RAB2A: variants seen among roughly 807,000 people sequenced by gnomAD.
RAB2A encodes RAB2A, member RAS oncogene family, also known as ras-related protein Rab-2A.
In RAB2A, 7 loss-of-function variants were observed where a neutral mutation model predicts 32.5. That is an observed-to-expected ratio of 0.22 (90% CI 0.12 to 0.40). The LOEUF (loss-of-function observed/expected upper bound fraction) is 0.40. RAB2A is among the 10% of genes least tolerant of loss of function. The pLI is 1.00. For missense variants in RAB2A, 108 were observed against 260.7 expected (o/e 0.41, Z 4.03); for synonymous variants, 79 against 85.2 (o/e 0.93, Z 0.40).
Position 60,524,770 on chromosome 8 carries a change from G to C in RAB2A, c.46+7517G>C, listed in dbSNP as rs567756702. ...AAAAGTATTGTTTGTATTGATGGTA[G>C]TACTGTAACATTCCACTGCTGGTAA... is the stretch of plus-strand genomic sequence containing the variant. On this transcript the variant is annotated intron_variant, in intron 1 of 7. Coordinates refer to ENST00000262646, the MANE Select transcript of RAB2A (RefSeq NM_002865.3). Among the ~76,000 whole-genome samples, 3 of 152,322 alleles carry C rather than the reference G, an allele frequency of 2.0e-5. No homozygotes were observed. In the East Asian group the frequency reaches 5.8e-4, roughly 29 times the overall value.
intron 1 of RAB2A, among the ~76,000 whole-genome samples, chr8:60,534,708 A>G (rs960669745): frequency 3.3e-5 from 5 of 152,174 alleles, no homozygotes; most frequent in African/African-American, 9.7e-5. Flanking sequence ...TTTCATCAGA[A>G]CTGGGGGAAA....
At chr8:60,545,540 C>T (rs1183637242) in intron 1 of RAB2A, among the ~76,000 whole-genome samples, 1 of 152,078 alleles carries the variant, frequency 6.6e-6, no homozygotes, top group African/African-American at 2.4e-5. Flanking sequence ...CTTGGCTTCC[C>T]GAAGCACTGG....
At chr8:60,549,572 G>A (rs556816669) in intron 1 of RAB2A, among the ~76,000 whole-genome samples, 1 of 151,778 alleles carries the variant, frequency 6.6e-6, no homozygotes, top group South Asian at 2.1e-4. Context: ...GGCAAAGGAC[G>A]GCATCTGTAA....
rs1804165527 is a variant in RAB2A at position 60,603,172 on chromosome 8, G to A, written c.474+11203G>A. ...CACCTATGTGTAGAGAAATTTTAAT[G>A]CACAGGGAACCCTCTTAAAAGATTT... is the stretch of plus-strand genomic sequence containing the variant. On this transcript the variant is annotated intron_variant, in intron 6 of 7. Transcript: ENST00000262646. Among the ~76,000 whole-genome samples, 4 of 152,144 alleles carry A rather than the reference G, an allele frequency of 2.6e-5. No individual in the cohort carries two copies. In the South Asian group the frequency reaches 8.3e-4, roughly 32 times the overall value.
At chr8:60,551,504 T>G (rs1393682542) in intron 1 of RAB2A, among the ~76,000 whole-genome samples, 1 of 152,248 alleles carries the variant, frequency 6.6e-6, no homozygotes, top group Non-Finnish European at 1.5e-5. Context: ...TTATTTAATG[T>G]TCTCAAGTAT....
At chr8:60,575,926 ATTATAG>A (rs1803610051) in intron 3 of RAB2A, among the ~76,000 whole-genome samples, 1 of 152,102 alleles carries the variant, frequency 6.6e-6, no homozygotes, top group African/African-American at 2.4e-5. Flanking sequence ...AAGTGCTGGG[ATTATAG>A]GTGTGAGCCA....
At chr8:60,517,373 G>T in intron 1 of RAB2A, 120 bp downstream of exon 1, 2 of 982,802 alleles carry the variant, frequency 2.0e-6, no homozygotes, top group South Asian at 4.6e-5. Flanking sequence ...TCCTGGCCGC[G>T]CCGCTCCATT....
intron 6 of RAB2A, among the ~76,000 whole-genome samples, chr8:60,592,811 T>C (rs2130854654): frequency 6.6e-6 from 1 of 152,336 alleles, no homozygotes; most frequent in East Asian, 1.9e-4. Context: ...TACTATACTG[T>C]TATTTTATAA....
At chr8:60,585,347 C>G (rs1271924543) in intron 5 of RAB2A, among the ~76,000 whole-genome samples, 1 of 150,086 alleles carries the variant, frequency 6.7e-6, no homozygotes, top group Non-Finnish European at 1.5e-5. Flanking sequence ...GGGACTCACT[C>G]TGTTACCCAG....
intron 2 of RAB2A, chr8:60,570,067 C>T (rs751605192): frequency 1.5e-5 from 7 of 455,640 alleles, no homozygotes; most frequent in Non-Finnish European, 2.6e-5. Flanking sequence ...GGTCAGTTTC[C>T]GTATCTTTAG....
chr8:60,586,392 AAGAG>A (rs55740409), intron 5 of RAB2A, among the ~76,000 whole-genome samples: 12 of 145,834 alleles, frequency 8.2e-5, no homozygotes, highest in East Asian at 6.3e-4. Context: ...TTAAAAAAAA[AAGAG>A]AGAGAGAAAA....
intron 6 of RAB2A, among the ~76,000 whole-genome samples, chr8:60,605,801 T>C (rs779921648): frequency 3.5e-5 from 5 of 143,314 alleles, no homozygotes; most frequent in Admixed American, 6.8e-5. Flanking sequence ...AACTATTTAT[T>C]TTACAGGCTC....
intron 1 of RAB2A, among the ~76,000 whole-genome samples, chr8:60,555,665 C>G (rs972417938): frequency 2.6e-5 from 4 of 152,176 alleles, no homozygotes; most frequent in African/African-American, 9.7e-5. Flanking sequence ...GATAACATCT[C>G]ATCTTAGTTA....
At position 60,584,217 on chromosome 8, in the gene RAB2A, G is replaced by T; in HGVS notation, c.196G>T (p.Glu66Ter). The part of the protein sequence containing the change: ...KLQIWDTAGQ[E>*]SFRSITRSYY... The stretch of plus-strand genomic sequence containing the variant: ...TTTTTTTTCGTTACAGGCAGGGCAA[G>T]AATCCTTTCGTTCCATCACAAGGTC... The change falls in exon 4 of 8, where the codon GAA becomes TAA. Residue 66 changes from glutamate to a stop codon, truncating the protein, a stop_gained. Transcript: ENST00000262646. LOFTEE classifies it high-confidence loss of function. 6.2e-7 allele frequency: 1 copy of T among 1,605,046 alleles called. No homozygotes were observed. The highest frequency in any genetic ancestry group is 1.1e-5 in the South Asian group (1 of 90,904).
At chr8:60,535,339 C>T (rs1337839498) in intron 1 of RAB2A, among the ~76,000 whole-genome samples, 1 of 152,184 alleles carries the variant, frequency 6.6e-6, no homozygotes, top group Admixed American at 6.5e-5. Flanking sequence ...CATATGTAAG[C>T]AAGCATGGTA....
At chr8:60,532,277 G>A (rs760183774) in intron 1 of RAB2A, among the ~76,000 whole-genome samples, 25 of 152,192 alleles carry the variant, frequency 1.6e-4, no homozygotes, top group Admixed American at 2.0e-4. Context: ...AGTATTGTTA[G>A]TTCAGTTTTA....
At chr8:60,571,338 T>C (rs529212661) in intron 2 of RAB2A, among the ~76,000 whole-genome samples, 1 of 152,292 alleles carries the variant, frequency 6.6e-6, no homozygotes, top group East Asian at 1.9e-4. Context: ...AGTACCAAAT[T>C]AGCAAATTAT....
intron 1 of RAB2A, among the ~76,000 whole-genome samples, chr8:60,521,100 C>A (rs1309163510): frequency 6.6e-6 from 1 of 152,228 alleles, no homozygotes. Context: ...CAAGCACAAG[C>A]CACAGCTCTC....
chr8:60,526,166 A>G (rs890044621), intron 1 of RAB2A, among the ~76,000 whole-genome samples: 1 of 151,858 alleles, frequency 6.6e-6, no homozygotes, highest in Non-Finnish European at 1.5e-5. Context: ...CTGGGATGAA[A>G]TCCAGGTTTC....
Sources: allele counts gnomAD v4.1 joint callset (sites outside exome capture counted in the v4.1 genomes callset), GRCh38; gene constraint gnomAD v4.1.1; transcripts MANE v1.5; gene names NCBI Gene and HGNC (gene_info 2026-07-23, HGNC 2026-07-21).